AQP5: variants seen among roughly 807,000 people sequenced by gnomAD.
The protein encoded by AQP5 is aquaporin 5, also known as aquaporin-5.
AQP5 carries 15 observed loss-of-function variants against 19.1 expected under a neutral mutation model. The observed-to-expected ratio is 0.79, with a 90% confidence interval of 0.53 to 1.21. The LOEUF is 1.21. Ranked by LOEUF, AQP5 falls within the 50% of genes most tolerant of loss-of-function variation. AQP5 has a pLI of 0.00. For missense variants in AQP5, 355 were observed against 357.1 expected, an observed-to-expected ratio of 0.99 and a Z score of 0.05; for synonymous variants, 182 against 160.3, an observed-to-expected ratio of 1.14 and a Z score of -1.02.
intron 2 of AQP5, 164 bp downstream of exon 2, chr12:49,963,820 C>T: frequency 9.4e-7 from 1 of 1,062,536 alleles, no homozygotes; most frequent in Non-Finnish European, 1.3e-6. Context: ...AGAATTGATC[C>T]CCCCAAAACC....
In AQP5 at chr12:49,965,590, T is replaced by C. The variant is rs142397596; in HGVS notation, c.*413T>C. On this transcript the variant is annotated 3_prime_UTR_variant, in exon 4 of 4. Coordinates refer to ENST00000293599, the MANE Select transcript of AQP5 (RefSeq NM_001651.4). ...CTTAGGAAGAAGACAGACTGGTTCATTGAATGCCGCCTTATTTATTTCTGG... is the reference window on the plus strand; with the variant it reads ...CTTAGGAAGAAGACAGACTGGTTCACTGAATGCCGCCTTATTTATTTCTGG... 1.1e-3 allele frequency: 170 copies of C among 160,370 alleles called. No homozygotes were observed. Among genetic ancestry groups the C allele is most frequent in the Middle Eastern group, 3.0e-3 (1 of 338 alleles). The allele number at this position is 160,370 out of a possible 1,614,324, so 9.9% of individuals were successfully genotyped here. A position where few individuals can be genotyped will look rare whatever the true frequency, so the allele number is the denominator to read the frequency against.
chr12:49,964,779 G>T (rs1947471352), intron 3 of AQP5: 2 of 985,276 alleles, frequency 2.0e-6, no homozygotes, highest in Non-Finnish European at 2.4e-6. Context: ...TTCTTTGAGG[G>T]TCTAGGTGTC....
intron 3 of AQP5, 93 bp from the exon 4 acceptor site, chr12:49,964,899 C>G (rs1277230104): frequency 6.6e-7 from 1 of 1,509,856 alleles, no homozygotes; most frequent in Non-Finnish European, 8.8e-7. Flanking sequence ...TGTCTCCTCT[C>G]AGGGTCCGTG....
In AQP5 at chr12:49,965,101, G is replaced by C; in HGVS notation, c.722G>C (p.Gly241Ala). ...AGTGAGCGTGTGGCCATCATCAAAG[G>C]CACGTATGAGCCTGACGAGGACTGG... ...SLSERVAIIK[G>A]TYEPDEDWEE... Residue 241 changes from glycine to alanine, a missense_variant, in exon 4 of 4, where the codon GGC becomes GCC. By Grantham distance (60) the Gly-to-Ala change is moderately conservative. Coordinates refer to ENST00000293599, the MANE Select transcript of AQP5 (RefSeq NM_001651.4). 7.4e-6 allele frequency: 12 copies of C among 1,614,034 alleles called. No individual in the cohort carries two copies. The highest frequency in any genetic ancestry group is 1.0e-5 in the Non-Finnish European group (12 of 1,179,992).
rs145485849 is a variant in AQP5 at position 49,964,166 on chromosome 12, C to G, written c.603C>G (p.Pro201=). 6.2e-7 allele frequency: 1 copy of G among 1,614,090 alleles called. No individual in the cohort carries two copies. The highest frequency in any genetic ancestry group is 8.5e-7 in the Non-Finnish European group (1 of 1,179,956). The part of the protein sequence containing the change: ...GPAVVMNRFS[P]AHWVFWVGPI... ...CGGTGGTCATGAATCGGTTCAGCCCCGCTCACTGGGTGAGTCTGTCCCTTC... is the reference window on the plus strand; with the variant it reads ...CGGTGGTCATGAATCGGTTCAGCCCGGCTCACTGGGTGAGTCTGTCCCTTC... The change falls in exon 3 of 4, where the codon CCC becomes CCG. Residue 201 remains proline, a synonymous_variant. Coordinates refer to ENST00000293599, the MANE Select transcript of AQP5 (RefSeq NM_001651.4).
At chr12:49,962,593 G>A (rs1300612071) in intron 1 of AQP5, 2 of 590,228 alleles carry the variant, frequency 3.4e-6, no homozygotes, top group Non-Finnish European at 2.6e-6. Flanking sequence ...CCTCATGCTG[G>A]CCCACCCTGG....
At position 49,964,598 on chromosome 12, in the gene AQP5, T is replaced by C. The variant is rs908221836; in HGVS notation, c.613-394T>C. 4.1e-6 allele frequency: 4 copies of C among 969,098 alleles called. No individual in the cohort carries two copies. The South Asian group carries it at 1.4e-4, about 35-fold the overall frequency. 60.0% of individuals were successfully genotyped at this position (969,098 alleles called of 1,614,324 possible). A position where few individuals can be genotyped will look rare whatever the true frequency, so the allele number is the denominator to read the frequency against. ...CTGTGGACAGTCTGTCTGCCCCCCC[T>C]TTGGAAGCTCATGGTCACTCTCTCC... On this transcript the variant is annotated intron_variant, in intron 3 of 3. Transcript: ENST00000293599.
rs1490018337 is a variant in AQP5 at position 49,964,079 on chromosome 12, T to C, written c.529-13T>C. On this transcript the variant is annotated splice_polypyrimidine_tract_variant and intron_variant, in intron 2 of 3. Coordinates refer to ENST00000293599, the MANE Select transcript of AQP5 (RefSeq NM_001651.4). ...GATGTTGCCTTTCTCTCCACCGCCC[T>C]GTCTCTATCCAGATCTACTTCACTG... 2 of 1,611,368 alleles carry C rather than the reference T, an allele frequency of 1.2e-6. No homozygotes were observed. Among genetic ancestry groups the C allele is most frequent in the Non-Finnish European group, 1.7e-6 (2 of 1,177,422 alleles).
At position 49,964,188 on chromosome 12, in the gene AQP5, C is replaced by A; in HGVS notation, c.612+13C>A. On this transcript the variant is annotated intron_variant, in intron 3 of 3. Coordinates refer to ENST00000293599, the MANE Select transcript of AQP5 (RefSeq NM_001651.4). ...CCCCGCTCACTGGGTGAGTCTGTCC[C>A]TTCCCCTGGCTCCCTGGAGATGAGG... 1 of 1,612,000 alleles carries A rather than the reference C, an allele frequency of 6.2e-7. No individual in the cohort carries two copies. Among genetic ancestry groups the A allele is most frequent in the Non-Finnish European group, 8.5e-7 (1 of 1,178,070 alleles).
chr12:49,965,074 T>C lies in AQP5; in HGVS notation c.695T>C (p.Leu232Pro), dbSNP rs1180766434. 2 of 1,614,048 alleles carry C rather than the reference T, an allele frequency of 1.2e-6. No individual in the cohort carries two copies. The highest frequency in any genetic ancestry group is 1.7e-5 in the Admixed American group (1 of 60,014). ...CTGCTCTTCCCCAACTCCCTGAGCC[T>C]GAGTGAGCGTGTGGCCATCATCAAA... Reference protein sequence around the residue: ...FYLLFPNSLSLSERVAIIKGT... With the variant: ...FYLLFPNSLSPSERVAIIKGT... Residue 232 changes from leucine to proline, a missense_variant, in exon 4 of 4, where the codon CTG (leucine) becomes CCG (proline). Coordinates refer to ENST00000293599, the MANE Select transcript of AQP5 (RefSeq NM_001651.4).
intron 1 of AQP5, 154 bp downstream of exon 1, chr12:49,962,534 T>TCCCAAGGCAAGGAAGGCAAGAGC: frequency 1.0e-6 from 1 of 976,086 alleles, no homozygotes; most frequent in Non-Finnish European, 1.4e-6. Context: ...GGAAGGCAAC[T>TCCCAAGGCAAGGAAGGCAAGAGC]CTCCAGGCTG....
rs1312034511 is a variant in AQP5 at position 49,965,175 on chromosome 12, T to C, written c.796T>C (p.Ter266ArgextTer12). The C allele has an allele frequency of 1.9e-6, 3 of 1,607,668 alleles. No homozygotes were observed. Among genetic ancestry groups the C allele is most frequent in the Non-Finnish European group, 2.5e-6 (3 of 1,176,982 alleles). ...GAAGACCATGGAGCTGACCACCCGC[T>C]GACCAGTGTCAGGCAGGGGCCAGCC... Reference protein sequence around the residue: ...RKKTMELTTR* With the variant: ...RKKTMELTTRR The change falls in exon 4 of 4, where the codon TGA (stop) becomes CGA (arginine). Residue 266 changes from the stop codon to arginine, a stop_lost. Coordinates refer to ENST00000293599, the MANE Select transcript of AQP5 (RefSeq NM_001651.4).
Position 49,965,251 on chromosome 12 carries a change from C to T in AQP5, c.*74C>T. On this transcript the variant is annotated 3_prime_UTR_variant, in exon 4 of 4. Transcript: ENST00000293599. The stretch of plus-strand genomic sequence containing the variant: ...AAGAAGAAAAAGTACCTAACACAAG[C>T]TTCCTTTTTGCACAACCGGTCCTCT... The T allele has an allele frequency of 1.4e-6, 2 of 1,443,718 alleles. No individual in the cohort carries two copies. Among genetic ancestry groups the T allele is most frequent in the South Asian group, 2.9e-5 (2 of 69,952 alleles). 89.4% of individuals were successfully genotyped at this position (1,443,718 alleles called of 1,614,324 possible). A position where few individuals can be genotyped will look rare whatever the true frequency, so the allele number is the denominator to read the frequency against.
At chr12:49,964,968 T>C in intron 3 of AQP5, 24 bp from the exon 4 acceptor site, 2 of 1,603,776 alleles carry the variant, frequency 1.2e-6, no homozygotes, top group Non-Finnish European at 1.7e-6. Context: ...CTCAGCGCCC[T>C]GACTCCTGCC....
intron 1 of AQP5, among the ~76,000 whole-genome samples, chr12:49,963,266 C>T (rs1033294384): frequency 2.6e-5 from 4 of 152,244 alleles, no homozygotes; most frequent in Middle Eastern, 3.2e-3. Context: ...GGAAAAGCTA[C>T]CCTGACGCTC....
rs1416258079 is a variant in AQP5, at chr12:49,961,942, A to G, written c.-76A>G. ...GCAGCCAGGCCCCCGCCCCCGCCGCATCCACCTCCTCCGCCGCCTGCGACC... is the reference window on the plus strand; with the variant it reads ...GCAGCCAGGCCCCCGCCCCCGCCGCGTCCACCTCCTCCGCCGCCTGCGACC... On this transcript the variant is annotated 5_prime_UTR_variant, in exon 1 of 4. Coordinates refer to ENST00000293599, the MANE Select transcript of AQP5 (RefSeq NM_001651.4). The G allele has an allele frequency of 2.0e-6, 2 of 1,021,216 alleles. No individual in the cohort carries two copies. The highest frequency in any genetic ancestry group is 7.0e-5 in the East Asian group (2 of 28,506). 63.3% of individuals were successfully genotyped at this position (1,021,216 alleles called of 1,614,324 possible). A position where few individuals can be genotyped will look rare whatever the true frequency, so the allele number is the denominator to read the frequency against.
Position 49,964,280 on chromosome 12 carries a change from G to A in AQP5, c.612+105G>A, listed in dbSNP as rs946189182. 1.7e-5 allele frequency: 21 copies of A among 1,201,826 alleles called. No individual in the cohort carries two copies. In the Middle Eastern group the frequency reaches 9.5e-4, roughly 54 times the overall value. 74.4% of individuals were successfully genotyped at this position (1,201,826 alleles called of 1,614,324 possible). The stretch of plus-strand genomic sequence containing the variant: ...TGGATTCTGTGGGTCTAGAGCTTGG[G>A]GGTGGGCCACGGAGTGGTGGCTGAC... On this transcript the variant is annotated intron_variant, in intron 3 of 3. Transcript: ENST00000293599.
At chr12:49,963,806 C>T (rs1225850954) in intron 2 of AQP5, 150 bp downstream of exon 2, 6 of 1,164,072 alleles carry the variant, frequency 5.2e-6, no homozygotes, top group Non-Finnish European at 7.1e-6. Flanking sequence ...CCCTACTGGG[C>T]CCCAGAATTG....
At position 49,962,399 on chromosome 12, in the gene AQP5, G is replaced by A; in HGVS notation, c.363+19G>A. 1 of 1,331,652 alleles carries A rather than the reference G, an allele frequency of 7.5e-7. No homozygotes were observed. The highest frequency in any genetic ancestry group is 2.4e-5 in the East Asian group (1 of 42,212). 82.5% of individuals were successfully genotyped at this position (1,331,652 alleles called of 1,614,324 possible). On this transcript the variant is annotated intron_variant, in intron 1 of 3. Transcript: ENST00000293599. ...CAACGCGGTGAGTGCCCTGGGGGGG[G>A]GGTGGGAGCCTCGACCCTGGGGTGG...
Sources: gnomAD v4.1 joint callset for allele counts (sites outside exome capture counted in the v4.1 genomes callset) on GRCh38, gnomAD v4.1.1 for gene constraint, MANE v1.5 for transcripts, NCBI Gene and HGNC (gene_info 2026-07-23, HGNC 2026-07-21) for gene names.